ATRN: variants seen among roughly 807,000 people sequenced by gnomAD.
The protein encoded by ATRN is attractin-2.
A neutral mutation model predicts 178.7 loss-of-function variants in ATRN; 54 were observed. That is an observed-to-expected ratio of 0.30 (90% CI 0.24 to 0.38). The LOEUF is 0.38. Among genes scored for constraint, ATRN ranks in the 10% least tolerant of loss-of-function variants. ATRN has a pLI of 1.00. For missense variants in ATRN, 1,443 were observed against 1,815.1 expected (o/e 0.79, Z 3.73); for synonymous variants, 636 against 663.0 (o/e 0.96, Z 0.63).
intron 6 of ATRN, among the ~76,000 whole-genome samples, chr20:3,550,912 G>T (rs918244701): frequency 6.6e-6 from 1 of 152,202 alleles, no homozygotes; most frequent in Non-Finnish European, 1.5e-5. Flanking sequence ...AGTCATTTGT[G>T]TGGGCACCTC....
Position 3,630,192 on chromosome 20 carries a change from G to T in ATRN, c.3864-4119G>T, listed in dbSNP as rs578247186. ...CCTGTCCCTCTGAAAATTCCAAGGG[G>T]TAAGCTAAATTGTCTCCCCTTGTTC... On this transcript the variant is annotated intron_variant, in intron 25 of 28. Transcript: ENST00000262919. Among the ~76,000 whole-genome samples the T allele has an allele frequency of 2.0e-5, 3 of 152,230 alleles. No individual in the cohort carries two copies. The South Asian group carries it at 6.2e-4, about 32-fold the overall frequency.
In ATRN at chr20:3,644,202, G is replaced by T. The variant is rs150056234; in HGVS notation, c.4099G>T (p.Ala1367Ser). Residue 1367 changes from alanine (A) to serine (S), a missense_variant, in exon 28 of 29, where the codon GCT becomes TCT. By Grantham distance (99) the Ala-to-Ser change is moderately conservative (BLOSUM62 1). This residue lies in a region of ATRN where 289 missense variants were observed against 440.8 expected (regional missense o/e 0.66). Coordinates refer to ENST00000262919, the MANE Select transcript of ATRN (RefSeq NM_139321.3). ...ALEPCFGNKA[A>S]VLSVFVRLPR... Reference sequence around the variant, plus strand: ...GGAGCCGTGTTTTGGCAACAAAGCCGCTGTCCTCTCTGTGTTTGTGAGGCT... The same window carrying T: ...GGAGCCGTGTTTTGGCAACAAAGCCTCTGTCCTCTCTGTGTTTGTGAGGCT... The T allele has an allele frequency of 6.2e-6, 10 of 1,614,062 alleles. No homozygotes were observed. Among genetic ancestry groups the T allele is most frequent in the Admixed American group, 5.0e-5 (3 of 60,010 alleles).
intron 1 of ATRN, among the ~76,000 whole-genome samples, chr20:3,496,732 C>G (rs1462166623): frequency 1.3e-5 from 2 of 152,092 alleles, no homozygotes; most frequent in Non-Finnish European, 2.9e-5. Flanking sequence ...TCTCGTTGAT[C>G]TAATGTTGGT....
At chr20:3,490,080 A>G (rs1411753379) in intron 1 of ATRN, 63 of 1,293,020 alleles carry the variant, frequency 4.9e-5, no homozygotes, top group South Asian at 1.8e-4. Context: ...TGTTCTCTCA[A>G]TGTCTCGCTT....
chr20:3,493,122 TTGTGTGTGTG>T (rs10601580), intron 1 of ATRN, among the ~76,000 whole-genome samples: 21,469 of 141,172 alleles, frequency 0.15, 2,039 homozygotes, highest in Non-Finnish European at 0.21. Flanking sequence ...GTACGTTTGT[TTGTGTGTGTG>T]TGTGTGTGTG....
In ATRN at chr20:3,639,405, A is replaced by G. The variant is rs78035639; in HGVS notation, c.4050+470A>G. Among the ~76,000 whole-genome samples the G allele has an allele frequency of 6.3e-3, 952 of 152,144 alleles. 7 individuals are homozygous for G. Among genetic ancestry groups the G allele is most frequent in the African/African-American group, 0.021 (878 of 41,474 alleles). Reference sequence around the variant, plus strand: ...GTTGCTGGGATTACCGATGTGCGCAACCACGCCCAGCTGATTTTTGTATTT... The same window carrying G: ...GTTGCTGGGATTACCGATGTGCGCAGCCACGCCCAGCTGATTTTTGTATTT... On this transcript the variant is annotated intron_variant, in intron 27 of 28. Transcript: ENST00000262919.
At chr20:3,529,429 C>T (rs138756422) in intron 1 of ATRN, among the ~76,000 whole-genome samples, 8 of 152,312 alleles carry the variant, frequency 5.3e-5, no homozygotes, top group East Asian at 1.9e-4. Context: ...CCTATAATTA[C>T]GTAATCCAAG....
intron 24 of ATRN, among the ~76,000 whole-genome samples, chr20:3,614,740 C>T (rs954840560): frequency 6.6e-6 from 1 of 152,126 alleles, no homozygotes; most frequent in African/African-American, 2.4e-5. Context: ...TCACTACAGC[C>T]AATTTTAGAA....
chr20:3,500,038 C>G (rs1482348868), intron 1 of ATRN, among the ~76,000 whole-genome samples: 1 of 152,170 alleles, frequency 6.6e-6, no homozygotes, highest in African/African-American at 2.4e-5. Flanking sequence ...TGAACAGACA[C>G]TTCTCAAAAG....
chr20:3,636,093 A>G (rs1236114719), intron 26 of ATRN, among the ~76,000 whole-genome samples: 1 of 152,210 alleles, frequency 6.6e-6, no homozygotes, highest in South Asian at 2.1e-4. Flanking sequence ...TATGGAGATT[A>G]TGATAGCCTG....
chr20:3,582,230 A>G lies in ATRN; in HGVS notation c.2640A>G (p.Leu880=), dbSNP rs2086291758. 1.2e-6 allele frequency: 2 copies of G among 1,614,080 alleles called. No individual in the cohort carries two copies. The highest frequency in any genetic ancestry group is 1.7e-6 in the Non-Finnish European group (2 of 1,180,030). ...TGTCCCCATTTACAAATAGTTTACTACAGTGGATGCCGTCTGAGCCCAGTG... is the reference window on the plus strand; with the variant it reads ...TGTCCCCATTTACAAATAGTTTACTGCAGTGGATGCCGTCTGAGCCCAGTG... ...EDMSPFTNSL[L]QWMPSEPSDA... is the part of the protein sequence containing the mutation. Residue 880 remains leucine, a synonymous_variant, in exon 16 of 29, where the codon CTA becomes CTG. Transcript: ENST00000262919.
intron 7 of ATRN, 106 bp downstream of exon 7, chr20:3,559,589 A>T (rs2085924124): frequency 1.1e-6 from 1 of 886,778 alleles, no homozygotes; most frequent in Non-Finnish European, 1.8e-6. Context: ...TAATTGGGGA[A>T]AACTTTTTAT....
At chr20:3,635,388 A>AATAC (rs1402133895) in intron 26 of ATRN, among the ~76,000 whole-genome samples, 3 of 149,864 alleles carry the variant, frequency 2.0e-5, no homozygotes, top group Non-Finnish European at 4.4e-5. Context: ...TAAATAAATA[A>AATAC]ATAAATATTT....
intron 25 of ATRN, 93 bp from the exon 26 acceptor site, chr20:3,634,218 G>A: frequency 9.1e-7 from 1 of 1,102,574 alleles, no homozygotes; most frequent in South Asian, 1.3e-5. Context: ...TGGCATGTGG[G>A]AGCTGTTTTC....
At chr20:3,473,986 C>G (rs1191584418) in intron 1 of ATRN, among the ~76,000 whole-genome samples, 1 of 152,080 alleles carries the variant, frequency 6.6e-6, no homozygotes, top group African/African-American at 2.4e-5. Context: ...ACAGTGATAC[C>G]ATTAACAGAC....
Position 3,560,646 on chromosome 20 carries a change from T to C in ATRN, c.1204-16T>C. The C allele has an allele frequency of 6.3e-7, 1 of 1,584,408 alleles. No individual in the cohort carries two copies. Among genetic ancestry groups the C allele is most frequent in the African/African-American group, 1.3e-5 (1 of 74,306 alleles). ...TTTCAATGTTTTTAAAAATTTTGTT[T>C]GCATTTTTTTCCTAGGATAAAATTT... is the stretch of plus-strand genomic sequence containing the variant. On this transcript the variant is annotated splice_polypyrimidine_tract_variant and intron_variant, in intron 7 of 28. Transcript: ENST00000262919.
chr20:3,555,393 T>C (rs1292209720), intron 6 of ATRN, among the ~76,000 whole-genome samples: 1 of 152,076 alleles, frequency 6.6e-6, no homozygotes. Context: ...GGAAGCAAAC[T>C]GAGTGAGCAT....
chr20:3,556,711 T>A (rs1467041253), intron 6 of ATRN, among the ~76,000 whole-genome samples: 1 of 152,250 alleles, frequency 6.6e-6, no homozygotes, highest in Non-Finnish European at 1.5e-5. Context: ...TATCTTGTAC[T>A]TTTTTGTACG....
chr20:3,490,252 G>A lies in ATRN; in HGVS notation c.410+18735G>A, dbSNP rs1398715833. 60 of 1,448,272 alleles carry A rather than the reference G, an allele frequency of 4.1e-5. No individual in the cohort carries two copies. In the East Asian group the frequency reaches 1.3e-3, roughly 32 times the overall value. The allele number at this position is 1,448,272 out of a possible 1,614,324, so 89.7% of individuals were successfully genotyped here. A position where few individuals can be genotyped will look rare whatever the true frequency, so the allele number is the denominator to read the frequency against. On this transcript the variant is annotated intron_variant, in intron 1 of 28. Transcript: ENST00000262919. ...ATTTCAATCTGTCCAAACCCAGAGA[G>A]GCCAACTCCTCCCAGGAGGAGAAGG...
Sources: gnomAD v4.1 joint callset for allele counts (sites outside exome capture counted in the v4.1 genomes callset) on GRCh38, gnomAD v4.1.1 for gene constraint, gnomAD v4.1.1 regional missense constraint, MANE v1.5 for transcripts, NCBI Gene and HGNC (gene_info 2026-07-23, HGNC 2026-07-21) for gene names.